FAM200B: variants seen among roughly 807,000 people sequenced by gnomAD.
FAM200B encodes the protein zinc finger BED-type containing 11, also known as protein FAM200B.
In FAM200B, 32 loss-of-function variants were observed where a neutral mutation model predicts 33.1. That is an observed-to-expected ratio of 0.97 (90% CI 0.73 to 1.30). The LOEUF (loss-of-function observed/expected upper bound fraction) is 1.30, where lower values mean the gene tolerates loss of function less well. FAM200B is among the 50% of genes most tolerant of loss of function. The probability of loss-of-function intolerance (pLI) is 0.00; values close to 1 mark genes in which losing one functional copy is unlikely to be tolerated. For missense variants in FAM200B, 741 were observed against 754.0 expected (o/e 0.98, Z 0.20); for synonymous variants, 240 against 264.8 (o/e 0.91, Z 0.91).
rs759300807 is a variant in FAM200B, at chr4:15,687,518, A to T, written c.541A>T (p.Thr181Ser). ...ILPACLDMVRTIFDDKSADKL... is the reference protein window; with the variant it reads ...ILPACLDMVRSIFDDKSADKL... ...TCCAGCATGTTTGGATATGGTGCGT[A>T]CAATATTTGATGATAAATCAGCTGA... The change falls in exon 2 of 2, where the codon ACA (threonine) becomes TCA (serine). Residue 181 changes from threonine to serine, a missense_variant. Transcript: ENST00000422728. 4.5e-6 allele frequency: 7 copies of T among 1,550,854 alleles called. No individual in the cohort carries two copies. The South Asian group carries it at 7.1e-5, about 16-fold the overall frequency.
chr4:15,662,983 G>A, the FAM200B span, among the ~76,000 whole-genome samples: 4 of 152,288 alleles, frequency 2.6e-5, no homozygotes, highest in Admixed American at 2.0e-4. Context: ...TGCAGGGTAA[G>A]CAATGAGTAA....
rs1719038147 is a variant in FAM200B, at chr4:15,687,924, T to A, written c.947T>A (p.Val316Asp). Residue 316 changes from valine to aspartate, a missense_variant, in exon 2 of 2, where the codon GTT becomes GAT. By Grantham distance (152) the Val-to-Asp change is radical (BLOSUM62 -3). Transcript: ENST00000422728. Reference protein sequence around the residue: ...HSRVIKKLLEVTNNGAVWNHC... With the variant: ...HSRVIKKLLEDTNNGAVWNHC... Reference sequence around the variant, plus strand: ...AGAGTAATTAAAAAATTACTAGAAGTTACTAATAATGGTGCTGTGTGGAAT... The same window carrying A: ...AGAGTAATTAAAAAATTACTAGAAGATACTAATAATGGTGCTGTGTGGAAT... The A allele has an allele frequency of 1.9e-6, 3 of 1,550,370 alleles. No individual in the cohort carries two copies. The South Asian group carries it at 3.6e-5, about 18-fold the overall frequency.
chr4:15,657,357 G>C, the FAM200B span, among the ~76,000 whole-genome samples: 1 of 152,120 alleles, frequency 6.6e-6, no homozygotes, highest in African/African-American at 2.4e-5. Context: ...AAAGAATGAG[G>C]GTAGTTCATA....
the FAM200B span, among the ~76,000 whole-genome samples, chr4:15,647,232 A>C: frequency 7.2e-6 from 1 of 138,518 alleles, no homozygotes; most frequent in Non-Finnish European, 1.5e-5. Flanking sequence ...CAAAAAAAAA[A>C]AAAAAAAAAA....
the FAM200B span, among the ~76,000 whole-genome samples, chr4:15,669,228 T>C: frequency 6.6e-6 from 1 of 152,216 alleles, no homozygotes; most frequent in African/African-American, 2.4e-5. Flanking sequence ...ACTTTGGCTA[T>C]ATATACAGCC....
the FAM200B span, among the ~76,000 whole-genome samples, chr4:15,645,366 C>T: frequency 4.6e-5 from 7 of 152,092 alleles, no homozygotes; most frequent in Admixed American, 3.9e-4. Context: ...AAGTCACATT[C>T]TCTAGGATGG....
At chr4:15,661,897 T>C in the FAM200B span, among the ~76,000 whole-genome samples, 3 of 152,320 alleles carry the variant, frequency 2.0e-5, no homozygotes, top group Admixed American at 6.5e-5. Context: ...AGGTGGCTGT[T>C]GAGAGGCCTC....
chr4:15,664,023 G>C, the FAM200B span, among the ~76,000 whole-genome samples: 1 of 152,154 alleles, frequency 6.6e-6, no homozygotes, highest in Non-Finnish European at 1.5e-5. Flanking sequence ...ACTTAAAGAA[G>C]CTACATAATT....
the FAM200B span, among the ~76,000 whole-genome samples, chr4:15,675,247 A>C: frequency 4.4e-4 from 67 of 152,296 alleles, no homozygotes; most frequent in Middle Eastern, 3.4e-3. Context: ...TTTTCTTCAA[A>C]TTAAGATTAA....
the FAM200B span, among the ~76,000 whole-genome samples, chr4:15,659,476 T>C: frequency 1.3e-5 from 2 of 152,160 alleles, no homozygotes; most frequent in South Asian, 2.1e-4. Context: ...GGAATCTCTT[T>C]ACTCAGATTT....
chr4:15,649,187 G>A, the FAM200B span, among the ~76,000 whole-genome samples: 1 of 151,926 alleles, frequency 6.6e-6, no homozygotes, highest in Non-Finnish European at 1.5e-5. Context: ...GCAACAGAGA[G>A]AAAAGTCCTT....
the FAM200B span, among the ~76,000 whole-genome samples, chr4:15,664,239 T>C: frequency 6.6e-6 from 1 of 152,190 alleles, no homozygotes; most frequent in Non-Finnish European, 1.5e-5. Flanking sequence ...CCTTCTCTGC[T>C]TACACTAATA....
At chr4:15,686,140 T>C (rs1165775828) in intron 1 of FAM200B, 96 bp from the exon 2 acceptor site, 2 of 152,214 alleles carry the variant, frequency 1.3e-5, no homozygotes, top group African/African-American at 4.8e-5. Flanking sequence ...TGCCTCACCA[T>C]CTATGATCTT....
the FAM200B span, among the ~76,000 whole-genome samples, chr4:15,675,546 C>G: frequency 1.5e-3 from 222 of 147,148 alleles, 1 homozygote; most frequent in South Asian, 3.9e-3. Flanking sequence ...TTCACTATGT[C>G]TTAACTTCTC....
At chr4:15,676,468 T>C in the FAM200B span, among the ~76,000 whole-genome samples, 1 of 152,210 alleles carries the variant, frequency 6.6e-6, no homozygotes, top group Non-Finnish European at 1.5e-5. Flanking sequence ...GACTCTGTTA[T>C]ATATTAAGAG....
In FAM200B at chr4:15,687,653, G is replaced by A; in HGVS notation, c.676G>A (p.Ala226Thr). ...ITRLQSGIDF[A>T]IQLDESTDIG... ...TCGTTTACAGTCTGGTATAGATTTT[G>A]CAATCCAGCTTGATGAAAGCACTGA... Residue 226 changes from alanine to threonine, a missense_variant, in exon 2 of 2, where the codon GCA (alanine) becomes ACA (threonine). By Grantham distance (58) the Ala-to-Thr change is moderately conservative (BLOSUM62 0). Coordinates refer to ENST00000422728, the MANE Select transcript of FAM200B (RefSeq NM_001145191.2). 1.9e-6 allele frequency: 3 copies of A among 1,551,134 alleles called. No homozygotes were observed. The highest frequency in any genetic ancestry group is 2.6e-6 in the Non-Finnish European group (3 of 1,146,684).
upstream of FAM200B, among the ~76,000 whole-genome samples, chr4:15,679,063 A>AT (rs60866290): frequency 0.02 from 2,343 of 118,758 alleles, 80 homozygotes; most frequent in African/African-American, 0.058. Flanking sequence ...TAAAATCTCT[A>AT]TTTTTTTTTT....
chr4:15,646,586 T>C, the FAM200B span, among the ~76,000 whole-genome samples: 1 of 152,134 alleles, frequency 6.6e-6, no homozygotes, highest in Non-Finnish European at 1.5e-5. Context: ...TAGGTACATG[T>C]GCACAACGTG....
the FAM200B span, among the ~76,000 whole-genome samples, chr4:15,639,273 G>C: frequency 3.9e-5 from 6 of 152,198 alleles, no homozygotes; most frequent in Non-Finnish European, 5.9e-5. Context: ...TCCCTTTATA[G>C]AATTTGTCAC....
Sources: allele counts gnomAD v4.1 joint callset (sites outside exome capture counted in the v4.1 genomes callset), GRCh38; gene constraint gnomAD v4.1.1; transcripts MANE v1.5; gene names NCBI Gene and HGNC (gene_info 2026-07-23, HGNC 2026-07-21).